The following CCDC178 variants were observed in gnomAD, a reference collection of about 807,000 sequenced individuals.
CCDC178 encodes coiled-coil domain-containing protein 178.
A neutral mutation model predicts 117.4 loss-of-function variants in CCDC178; 126 were observed. That is an observed-to-expected ratio of 1.07 (90% CI 0.93 to 1.24). The LOEUF is 1.24. Ranked by LOEUF, CCDC178 falls within the 50% of genes most tolerant of loss-of-function variation. CCDC178 has a pLI of 0.00. For missense variants in CCDC178, 1,030 were observed against 986.9 expected, an observed-to-expected ratio of 1.04 and a Z score of -0.59; for synonymous variants, 283 against 313.4, an observed-to-expected ratio of 0.90 and a Z score of 1.02.
intron 15 of CCDC178, among the ~76,000 whole-genome samples, chr18:33,237,264 A>G (rs112135419): frequency 6.6e-6 from 1 of 152,254 alleles, no homozygotes; most frequent in African/African-American, 2.4e-5. Flanking sequence ...CCTGCACATC[A>G]TGGAAACCAA....
At chr18:33,101,193 C>T (rs2057621119) in intron 20 of CCDC178, among the ~76,000 whole-genome samples, 1 of 150,458 alleles carries the variant, frequency 6.6e-6, no homozygotes, top group South Asian at 2.1e-4. Flanking sequence ...TGATGTTATG[C>T]CCTTGTTAAC....
intron 11 of CCDC178, among the ~76,000 whole-genome samples, chr18:33,314,362 C>T (rs1172615623): frequency 6.6e-6 from 1 of 152,040 alleles, no homozygotes; most frequent in African/African-American, 2.4e-5. Flanking sequence ...CCGCCTGGAG[C>T]CCACAGTCTT....
intron 20 of CCDC178, among the ~76,000 whole-genome samples, chr18:33,167,033 G>C (rs950213986): frequency 2.0e-5 from 3 of 152,100 alleles, no homozygotes; most frequent in Admixed American, 2.0e-4. Flanking sequence ...TGCAGTATTT[G>C]GTTTTCTGTT....
intron 18 of CCDC178, among the ~76,000 whole-genome samples, chr18:33,222,624 C>G (rs774728424): frequency 2.0e-5 from 3 of 152,044 alleles, no homozygotes; most frequent in Non-Finnish European, 4.4e-5. Flanking sequence ...TCTGGCCTAG[C>G]CTCTTATTGG....
At chr18:33,373,112 C>G (rs978524542) in intron 5 of CCDC178, among the ~76,000 whole-genome samples, 6 of 152,108 alleles carry the variant, frequency 3.9e-5, no homozygotes, top group African/African-American at 7.2e-5. Flanking sequence ...TTATGGAAAA[C>G]AAAGATCTCT....
At chr18:33,207,947 C>T (rs2059065203) in intron 20 of CCDC178, among the ~76,000 whole-genome samples, 1 of 151,970 alleles carries the variant, frequency 6.6e-6, no homozygotes, top group Non-Finnish European at 1.5e-5. Context: ...TAGTGCTACC[C>T]TCTCCTGTTA....
At chr18:33,007,240 A>G (rs916538471) in intron 21 of CCDC178, among the ~76,000 whole-genome samples, 9 of 152,212 alleles carry the variant, frequency 5.9e-5, no homozygotes, top group Middle Eastern at 3.4e-3. Flanking sequence ...AAGGCCTGTG[A>G]TCATCCCATC....
intron 20 of CCDC178, among the ~76,000 whole-genome samples, chr18:33,131,539 T>G (rs930357779): frequency 4.0e-5 from 6 of 151,792 alleles, no homozygotes; most frequent in African/African-American, 1.4e-4. Flanking sequence ...TATCTTAGAA[T>G]TATGAATATA....
At chr18:33,261,331 C>T (rs2059747766) in intron 14 of CCDC178, among the ~76,000 whole-genome samples, 1 of 152,200 alleles carries the variant, frequency 6.6e-6, no homozygotes, top group South Asian at 2.1e-4. Context: ...GATCCGCCCA[C>T]CTTGGCCTCC....
intron 21 of CCDC178, among the ~76,000 whole-genome samples, chr18:32,987,940 G>A (rs1568200643): frequency 2.0e-5 from 3 of 151,706 alleles, no homozygotes; most frequent in Admixed American, 6.6e-5. Flanking sequence ...TCTACTGCGT[G>A]GTGGCAGACG....
At chr18:33,384,951 T>A (rs968825244) in intron 5 of CCDC178, among the ~76,000 whole-genome samples, 1 of 152,218 alleles carries the variant, frequency 6.6e-6, no homozygotes, top group Non-Finnish European at 1.5e-5. Context: ...CCCATCAGTG[T>A]GCTGTATTCA....
chr18:33,048,789 C>T (rs2056692160), intron 21 of CCDC178, among the ~76,000 whole-genome samples: 2 of 152,178 alleles, frequency 1.3e-5, no homozygotes, highest in South Asian at 4.1e-4. Flanking sequence ...AGAATGAGGC[C>T]TAAAAATAAC....
chr18:33,068,232 C>G (rs1474867608), intron 21 of CCDC178, among the ~76,000 whole-genome samples: 3 of 152,062 alleles, frequency 2.0e-5, no homozygotes, highest in African/African-American at 7.2e-5. Flanking sequence ...TAAATTCTAT[C>G]AAACTTACTT....
intron 20 of CCDC178, among the ~76,000 whole-genome samples, chr18:33,206,189 T>G (rs1265065918): frequency 6.6e-6 from 1 of 152,162 alleles, no homozygotes; most frequent in Non-Finnish European, 1.5e-5. Flanking sequence ...TGGGTCAATG[T>G]GCAACTAAAA....
At chr18:33,083,355 G>A (rs1394736078) in intron 21 of CCDC178, among the ~76,000 whole-genome samples, 4 of 152,182 alleles carry the variant, frequency 2.6e-5, no homozygotes, top group Non-Finnish European at 2.9e-5. Context: ...TAGAGATAAA[G>A]GGTATGAATA....
At chr18:33,423,067 C>T (rs916638668) in intron 2 of CCDC178, among the ~76,000 whole-genome samples, 2 of 152,028 alleles carry the variant, frequency 1.3e-5, no homozygotes, top group Admixed American at 6.5e-5. Flanking sequence ...CTCACTTTAC[C>T]CATTTTCTCT....
At chr18:33,364,278 C>G (rs1015894064) in intron 6 of CCDC178, among the ~76,000 whole-genome samples, 1 of 151,678 alleles carries the variant, frequency 6.6e-6, no homozygotes, top group African/African-American at 2.4e-5. Context: ...TGCATGTATA[C>G]CAATAGGTAA....
At chr18:32,972,800 C>G (rs1251427194) in intron 22 of CCDC178, among the ~76,000 whole-genome samples, 1 of 152,042 alleles carries the variant, frequency 6.6e-6, no homozygotes, top group Non-Finnish European at 1.5e-5. Context: ...AGGTTGTAGA[C>G]TTGATTTTTT....
At chr18:33,275,287 A>G (rs1362719685) in intron 12 of CCDC178, among the ~76,000 whole-genome samples, 2 of 151,958 alleles carry the variant, frequency 1.3e-5, no homozygotes, top group East Asian at 3.9e-4. Flanking sequence ...CATATGTTTT[A>G]GAAAATATTT....
Sources: allele counts gnomAD v4.1 joint callset (sites outside exome capture counted in the v4.1 genomes callset), GRCh38; gene constraint gnomAD v4.1.1; transcripts MANE v1.5; gene names NCBI Gene and HGNC (gene_info 2026-07-23, HGNC 2026-07-21).